TCF4: variants seen among roughly 807,000 people sequenced by gnomAD.
TCF4 encodes SL3-3 enhancer factor 2.
Under a neutral mutation model 82.1 loss-of-function variants are expected in TCF4, and 3 were observed. That is an observed-to-expected ratio of 0.04 (90% CI 0.02 to 0.09). TCF4 has a LOEUF of 0.09. TCF4 is among the 10% of genes least tolerant of loss of function. TCF4 has a pLI of 1.00. For missense variants in TCF4, 518 were observed against 852.7 expected (o/e 0.61, Z 4.89); for synonymous variants, 276 against 309.6 (o/e 0.89, Z 1.14).
intron 16 of TCF4, 90 bp from the exon 17 acceptor site, chr18:55,232,761 T>C: frequency 6.7e-7 from 1 of 1,485,592 alleles, no homozygotes; most frequent in Non-Finnish European, 9.3e-7. Context: ...CAATTCATAC[T>C]GCTGAACTGT....
At chr18:55,611,916 T>C (rs2147964822) in intron 2 of TCF4, among the ~76,000 whole-genome samples, 1 of 152,200 alleles carries the variant, frequency 6.6e-6, no homozygotes, top group African/African-American at 2.4e-5. Flanking sequence ...ATACAGGCAC[T>C]CGTCACCATG....
At chr18:55,413,721 A>G (rs991696152) in intron 5 of TCF4, among the ~76,000 whole-genome samples, 3 of 152,202 alleles carry the variant, frequency 2.0e-5, no homozygotes, top group African/African-American at 7.2e-5. Context: ...GAGGGAGGAA[A>G]AAGAGAAAAA....
intron 2 of TCF4, among the ~76,000 whole-genome samples, chr18:55,616,743 T>A (rs2097712536): frequency 6.6e-6 from 1 of 152,122 alleles, no homozygotes; most frequent in Admixed American, 6.6e-5. Context: ...CATTTATATG[T>A]CTCTTTTTGA....
rs147654280 is a variant in TCF4 at position 55,300,517 on chromosome 18, C to T, written c.550-20861G>A. Among the ~76,000 whole-genome samples the T allele has an allele frequency of 4.4e-3, 662 of 152,124 alleles. 2 individuals are homozygous for T. The highest frequency in any genetic ancestry group is 5.7e-3 in the Non-Finnish European group (390 of 68,000). ...ATTAGCAACCCAGAGTGGAAAGGGCCGGAAGGAAAACCCACCCACCTCACC... is the reference window on the plus strand; with the variant it reads ...ATTAGCAACCCAGAGTGGAAAGGGCTGGAAGGAAAACCCACCCACCTCACC... On this transcript the variant is annotated intron_variant, in intron 8 of 19. Transcript: ENST00000354452.
intron 16 of TCF4, among the ~76,000 whole-genome samples, chr18:55,233,903 T>C (rs1256191938): frequency 1.3e-5 from 2 of 151,626 alleles, no homozygotes; most frequent in Non-Finnish European, 2.9e-5. Flanking sequence ...GACACTCAGA[T>C]CTGTACAATG....
intron 3 of TCF4, among the ~76,000 whole-genome samples, chr18:55,580,087 T>C (rs1434054159): frequency 6.6e-6 from 1 of 151,988 alleles, no homozygotes; most frequent in Non-Finnish European, 1.5e-5. Flanking sequence ...TGTTAAGCAT[T>C]TCAGTTTCAA....
chr18:55,403,985 A>C (rs2093962677), intron 5 of TCF4: 1 of 1,253,258 alleles, frequency 8.0e-7, no homozygotes, highest in Non-Finnish European at 1.0e-6. Context: ...AACTATTCAA[A>C]ATTCTGAGTC....
chr18:55,362,418 GAAGGAAGGAAGGAAGGAAAA>G lies in TCF4; in HGVS notation c.370-11435_370-11416del, dbSNP rs1280165070. On this transcript the variant is annotated intron_variant, in intron 6 of 19. Coordinates refer to ENST00000354452, the MANE Select transcript of TCF4 (RefSeq NM_001083962.2). Reference sequence around the variant, plus strand: ...AGAAGGAAGGAAGGAAGGAAGGAAGGAAGGAAGGAAGGAAGGAAAAAAAAAAAGAAGAAAACATGTATCTG... The same window carrying G: ...AGAAGGAAGGAAGGAAGGAAGGAAGGAAAAAAAGAAGAAAACATGTATCTG... Among the ~76,000 whole-genome samples, 41 of 137,336 alleles carry G rather than the reference GAAGGAAGGAAGGAAGGAAAA, an allele frequency of 3.0e-4. 1 individual carries two copies. The highest frequency in any genetic ancestry group is 7.1e-4 in the African/African-American group (26 of 36,368). The allele number at this position is 137,336 out of a possible 152,430, so 90.1% of individuals were successfully genotyped here.
chr18:55,561,730 C>G (rs1008629948), intron 3 of TCF4, among the ~76,000 whole-genome samples: 10 of 152,130 alleles, frequency 6.6e-5, no homozygotes, highest in Non-Finnish European at 1.3e-4. Flanking sequence ...ATAAGACATG[C>G]TCACTCCAGT....
intron 8 of TCF4, among the ~76,000 whole-genome samples, chr18:55,281,769 A>C (rs1449401092): frequency 6.6e-6 from 1 of 151,838 alleles, no homozygotes; most frequent in Non-Finnish European, 1.5e-5. Flanking sequence ...AAGATAAGGA[A>C]AAATCTTTGG....
intron 2 of TCF4, among the ~76,000 whole-genome samples, chr18:55,614,102 T>C (rs2097709634): frequency 6.6e-6 from 1 of 152,162 alleles, no homozygotes; most frequent in Admixed American, 6.5e-5. Flanking sequence ...ACTGTATTGC[T>C]CAGACTGGTC....
At chr18:55,315,419 T>C (rs1433170584) in intron 8 of TCF4, among the ~76,000 whole-genome samples, 2 of 152,096 alleles carry the variant, frequency 1.3e-5, no homozygotes, top group Non-Finnish European at 2.9e-5. Context: ...GACAGAAATA[T>C]CAGAAATGTG....
chr18:55,276,838 C>A (rs1455676672), intron 9 of TCF4, among the ~76,000 whole-genome samples: 1 of 152,156 alleles, frequency 6.6e-6, no homozygotes, highest in African/African-American at 2.4e-5. Context: ...AAAGTTAAAT[C>A]TGACACTGTA....
At chr18:55,454,660 G>A (rs1228774635) in intron 5 of TCF4, among the ~76,000 whole-genome samples, 1 of 152,136 alleles carries the variant, frequency 6.6e-6, no homozygotes, top group African/African-American at 2.4e-5. Flanking sequence ...CACTGGCAAA[G>A]TCACTTGAAG....
chr18:55,514,443 A>AC (rs1478922423), intron 3 of TCF4, among the ~76,000 whole-genome samples: 24 of 104,382 alleles, frequency 2.3e-4, no homozygotes, highest in Non-Finnish European at 3.6e-4. Flanking sequence ...ACACACACAC[A>AC]CACCCCAATC....
intron 6 of TCF4, among the ~76,000 whole-genome samples, chr18:55,382,550 A>G (rs2092082764): frequency 6.6e-6 from 1 of 152,198 alleles, no homozygotes; most frequent in African/African-American, 2.4e-5. Flanking sequence ...TAGTTTTCCC[A>G]GAATGTTACC....
At chr18:55,557,880 T>C (rs1468342576) in intron 3 of TCF4, among the ~76,000 whole-genome samples, 1 of 152,160 alleles carries the variant, frequency 6.6e-6, no homozygotes, top group Non-Finnish European at 1.5e-5. Context: ...CAGTCTGACA[T>C]GTCCAGACTG....
intron 5 of TCF4, among the ~76,000 whole-genome samples, chr18:55,459,545 A>G (rs2095833805): frequency 6.6e-6 from 1 of 152,234 alleles, no homozygotes; most frequent in Non-Finnish European, 1.5e-5. Context: ...TCAAGACTAC[A>G]TTTTCAAGTG....
chr18:55,267,124 G>A (rs1407829404), intron 11 of TCF4: 9 of 152,124 alleles, frequency 5.9e-5, no homozygotes, highest in Non-Finnish European at 1.0e-4. Context: ...GTTAGTGCTC[G>A]AACCCCATTC....
Sources: allele counts gnomAD v4.1 joint callset (sites outside exome capture counted in the v4.1 genomes callset), GRCh38; gene constraint gnomAD v4.1.1; transcripts MANE v1.5; gene names NCBI Gene and HGNC (gene_info 2026-07-23, HGNC 2026-07-21).